Variants in PIP5K1B observed in about 807,000 individuals in gnomAD.
PIP5K1B encodes the protein phosphatidylinositol 4-phosphate 5-kinase type-1 beta.
A neutral mutation model predicts 67.0 loss-of-function variants in PIP5K1B; 42 were observed. The observed-to-expected ratio is 0.63, with a 90% confidence interval of 0.49 to 0.81. The LOEUF is 0.81. Among genes scored for constraint, PIP5K1B ranks in the 30% least tolerant of loss-of-function variants. The pLI, the probability that PIP5K1B is intolerant of heterozygous loss-of-function variation, is 0.00. For missense variants in PIP5K1B, 459 were observed against 646.3 expected (o/e 0.71, Z 3.14); for synonymous variants, 214 against 231.4 (o/e 0.92, Z 0.68).
Position 68,937,005 on chromosome 9 carries a change from G to A in PIP5K1B, c.1357+1960G>A, listed in dbSNP as rs375709478. Among the ~76,000 whole-genome samples the A allele has an allele frequency of 7.9e-5, 12 of 152,262 alleles. No homozygotes were observed. The East Asian group carries it at 2.1e-3, about 27-fold the overall frequency. Reference sequence around the variant, plus strand: ...AGCTTTTTGATGTGCCGCTAGATTCGGTTTGCCAGTATTTCATTGAGGATT... The same window carrying A: ...AGCTTTTTGATGTGCCGCTAGATTCAGTTTGCCAGTATTTCATTGAGGATT... On this transcript the variant is annotated intron_variant, in intron 13 of 15. Coordinates refer to ENST00000265382, the MANE Select transcript of PIP5K1B (RefSeq NM_003558.4).
chr9:68,756,849 C>T (rs1344322033), intron 2 of PIP5K1B, among the ~76,000 whole-genome samples: 1 of 152,000 alleles, frequency 6.6e-6, no homozygotes, highest in African/African-American at 2.4e-5. Flanking sequence ...ACAAGTAAAA[C>T]TAATCTTAAT....
intron 4 of PIP5K1B, among the ~76,000 whole-genome samples, chr9:68,862,396 A>G (rs918292199): frequency 2.6e-5 from 4 of 152,248 alleles, no homozygotes; most frequent in Non-Finnish European, 4.4e-5. Context: ...TACCAGGGCA[A>G]TTAAGGAGAC....
Position 68,758,847 on chromosome 9 carries a change from A to C in PIP5K1B, c.-86+16190A>C, listed in dbSNP as rs142702807. Among the ~76,000 whole-genome samples, 643 of 152,188 alleles carry C rather than the reference A, an allele frequency of 4.2e-3. 9 individuals carry two copies. Among genetic ancestry groups the C allele is most frequent in the South Asian group, 0.01 (49 of 4,818 alleles). ...CTGCTGAAAACCCAAGACAAGAAAA[A>C]ATCTCGAAAACAGAGGAAAAGAATG... is the stretch of plus-strand genomic sequence containing the variant. On this transcript the variant is annotated intron_variant, in intron 2 of 15. Transcript: ENST00000265382.
intron 2 of PIP5K1B, among the ~76,000 whole-genome samples, chr9:68,812,826 C>T (rs1833240281): frequency 6.6e-6 from 1 of 152,198 alleles, no homozygotes; most frequent in South Asian, 2.1e-4. Context: ...CACATAGCTT[C>T]CTATTTGGAT....
chr9:68,971,579 C>T (rs962598215), intron 14 of PIP5K1B, among the ~76,000 whole-genome samples: 3 of 152,212 alleles, frequency 2.0e-5, no homozygotes, highest in African/African-American at 7.2e-5. Flanking sequence ...CACTCTCTTC[C>T]ACAATGGTTG....
At chr9:68,768,114 T>C (rs1037846331) in intron 2 of PIP5K1B, among the ~76,000 whole-genome samples, 1 of 152,100 alleles carries the variant, frequency 6.6e-6, no homozygotes, top group Admixed American at 6.6e-5. Flanking sequence ...GACATAAATA[T>C]TGGGGAGGAA....
At chr9:68,805,590 C>T (rs1010525213) in intron 2 of PIP5K1B, among the ~76,000 whole-genome samples, 1 of 152,134 alleles carries the variant, frequency 6.6e-6, no homozygotes, top group African/African-American at 2.4e-5. Flanking sequence ...GGATTCCATA[C>T]AGCTGGTGTG....
chr9:68,790,279 T>C (rs77921663), intron 2 of PIP5K1B, among the ~76,000 whole-genome samples: 1,931 of 152,302 alleles, frequency 0.013, 40 homozygotes, highest in African/African-American at 0.044. Flanking sequence ...AAAAATCAAT[T>C]CACTGGTGAG....
At chr9:68,910,832 A>G (rs1825811945) in intron 8 of PIP5K1B, among the ~76,000 whole-genome samples, 1 of 152,234 alleles carries the variant, frequency 6.6e-6, no homozygotes, top group Non-Finnish European at 1.5e-5. Flanking sequence ...CGACATGAGC[A>G]GAAGCATCAG....
chr9:68,735,114 T>A (rs1162574164), intron 1 of PIP5K1B, among the ~76,000 whole-genome samples: 1 of 151,856 alleles, frequency 6.6e-6, no homozygotes, highest in Non-Finnish European at 1.5e-5. Context: ...CTCTTGGAAG[T>A]TTTTTTTAAC....
chr9:68,816,224 G>A (rs1430606467), intron 2 of PIP5K1B, among the ~76,000 whole-genome samples: 1 of 152,096 alleles, frequency 6.6e-6, no homozygotes, highest in Non-Finnish European at 1.5e-5. Context: ...TGCCTCCCAG[G>A]TTCAAGCAAT....
At chr9:68,876,234 G>A (rs1175231749) in intron 5 of PIP5K1B, among the ~76,000 whole-genome samples, 2 of 152,104 alleles carry the variant, frequency 1.3e-5, no homozygotes, top group East Asian at 3.8e-4. Context: ...CTCTCTGTTG[G>A]TAGGATGTTT....
intron 1 of PIP5K1B, among the ~76,000 whole-genome samples, chr9:68,738,005 A>G (rs768547573): frequency 1.8e-4 from 28 of 152,226 alleles, no homozygotes; most frequent in Non-Finnish European, 3.7e-4. Context: ...CAATAAATTC[A>G]TAGCTGATTC....
At position 68,753,515 on chromosome 9, in the gene PIP5K1B, C is replaced by CTTTTTTT. The variant is rs71500334; in HGVS notation, c.-86+10879_-86+10885dup. Among the ~76,000 whole-genome samples, 94 of 38,280 alleles carry CTTTTTTT rather than the reference C, an allele frequency of 2.5e-3. 11 individuals carry two copies. Among genetic ancestry groups the CTTTTTTT allele is most frequent in the Non-Finnish European group, 2.5e-3 (59 of 23,672 alleles). The allele number at this position is 38,280 out of a possible 152,430, so 25.1% of individuals were successfully genotyped here. A position where few individuals can be genotyped will look rare whatever the true frequency, so the allele number is the denominator to read the frequency against. On this transcript the variant is annotated intron_variant, in intron 2 of 15. Transcript: ENST00000265382. ...CCACCATGCCCGGCTAATTTTGTTTCTTTTTTTTTTTTTTTTTTTTTTTTT... is the reference window on the plus strand; with the variant it reads ...CCACCATGCCCGGCTAATTTTGTTTCTTTTTTTTTTTTTTTTTTTTTTTTTTTTTTTT...
In PIP5K1B at chr9:68,705,271, A is replaced by G. The variant is rs1827064616; in HGVS notation, c.-734A>G. On this transcript the variant is annotated 5_prime_UTR_variant, in exon 1 of 16. Coordinates refer to ENST00000265382, the MANE Select transcript of PIP5K1B (RefSeq NM_003558.4). Reference sequence around the variant, plus strand: ...GCGCCTCGCTCCGACTCCGGCGCGCACCAAGCGGGAACCCGCGCCCGAGCC... The same window carrying G: ...GCGCCTCGCTCCGACTCCGGCGCGCGCCAAGCGGGAACCCGCGCCCGAGCC... 1 of 151,640 alleles carries G rather than the reference A, an allele frequency of 6.6e-6. No homozygotes were observed. The highest frequency in any genetic ancestry group is 1.5e-5 in the Non-Finnish European group (1 of 67,880). The allele number at this position is 151,640 out of a possible 1,614,324, so 9.4% of individuals were successfully genotyped here.
chr9:68,780,588 G>T (rs376348109), intron 2 of PIP5K1B: 27 of 1,614,074 alleles, frequency 1.7e-5, no homozygotes, highest in Non-Finnish European at 2.3e-5. Flanking sequence ...TTTCATTCCT[G>T]TGTCACCAGC....
At chr9:68,735,157 G>A (rs905039086) in intron 1 of PIP5K1B, among the ~76,000 whole-genome samples, 1 of 151,912 alleles carries the variant, frequency 6.6e-6, no homozygotes, top group South Asian at 2.1e-4. Context: ...TTTAGATTTA[G>A]AGCACTATTA....
intron 8 of PIP5K1B, among the ~76,000 whole-genome samples, chr9:68,902,367 A>G (rs1825406745): frequency 6.6e-6 from 1 of 152,236 alleles, no homozygotes; most frequent in Admixed American, 6.5e-5. Flanking sequence ...ATCATACAGT[A>G]TATAACCCCT....
chr9:68,868,831 A>G (rs1823483688), intron 5 of PIP5K1B, among the ~76,000 whole-genome samples: 1 of 152,226 alleles, frequency 6.6e-6, no homozygotes. Context: ...CTTCACTTGT[A>G]AAACAGGAGT....
Sources: allele counts gnomAD v4.1 joint callset (sites outside exome capture counted in the v4.1 genomes callset), GRCh38; gene constraint gnomAD v4.1.1; transcripts MANE v1.5; gene names NCBI Gene and HGNC (gene_info 2026-07-23, HGNC 2026-07-21).